VPS13A: variants seen among roughly 807,000 people sequenced by gnomAD.
VPS13A encodes intermembrane lipid transfer protein VPS13A.
VPS13A carries 264 observed loss-of-function variants against 390.9 expected under a neutral mutation model. The observed-to-expected ratio is 0.68, with a 90% CI of 0.61 to 0.75. The LOEUF (loss-of-function observed/expected upper bound fraction) is 0.75, where lower values mean the gene tolerates loss of function less well. VPS13A is among the 30% of genes least tolerant of loss of function. The pLI, the probability that VPS13A is intolerant of heterozygous loss-of-function variation, is 0.00. For missense variants in VPS13A, 3,409 were observed against 3,733.9 expected (o/e 0.91, Z 2.27); for synonymous variants, 1,231 against 1,227.1 (o/e 1.00, Z -0.07).
intron 19 of VPS13A, among the ~76,000 whole-genome samples, chr9:77,247,025 T>C (rs952323722): frequency 1.3e-5 from 2 of 152,104 alleles, no homozygotes; most frequent in African/African-American, 4.8e-5. Context: ...AGTTTATAGG[T>C]TAAAAATTTT....
chr9:77,387,187 AT>A (rs2131623166), intron 68 of VPS13A, among the ~76,000 whole-genome samples: 1 of 151,848 alleles, frequency 6.6e-6, no homozygotes, highest in Non-Finnish European at 1.5e-5. Context: ...TGTTCTCTTG[AT>A]GGAGATAGAG....
At chr9:77,334,861 A>C (rs1830461053) in intron 46 of VPS13A, among the ~76,000 whole-genome samples, 1 of 152,204 alleles carries the variant, frequency 6.6e-6, no homozygotes, top group Admixed American at 6.5e-5. Context: ...ATATCTGTTA[A>C]CTGTTTTGAC....
chr9:77,322,539 C>CTT lies in VPS13A; in HGVS notation c.5831-520_5831-519dup, dbSNP rs150115386. On this transcript the variant is annotated intron_variant, in intron 44 of 71. Coordinates refer to ENST00000360280, the MANE Select transcript of VPS13A (RefSeq NM_033305.3). The stretch of plus-strand genomic sequence containing the variant: ...ATTAATGTTCTTATAAATTTTACGT[C>CTT]TTTTTTTTTAACATTTTTATGGATG... Among the ~76,000 whole-genome samples, 248 of 150,572 alleles carry CTT rather than the reference C, an allele frequency of 1.6e-3. 1 individual carries two copies. The highest frequency in any genetic ancestry group is 5.4e-3 in the African/African-American group (222 of 41,068).
rs371913398 is a variant in VPS13A at position 77,366,088 on chromosome 9, C to G, written c.8325+515C>G. Among the ~76,000 whole-genome samples the G allele has an allele frequency of 7.2e-5, 11 of 152,148 alleles. No individual in the cohort carries two copies. In the South Asian group the frequency reaches 2.3e-3, roughly 32 times the overall value. On this transcript the variant is annotated intron_variant, in intron 60 of 71. Transcript: ENST00000360280. ...ATTGAAACATATACTTTTGGAGATA[C>G]AAATACCTTTCAGCTTATGACAGAG...
chr9:77,355,988 C>T (rs994948811), intron 54 of VPS13A, among the ~76,000 whole-genome samples: 3 of 152,102 alleles, frequency 2.0e-5, no homozygotes, highest in South Asian at 2.1e-4. Context: ...GTATTCTTAA[C>T]GAAATGTAAG....
chr9:77,414,090 C>A (rs1008102564), intron 71 of VPS13A, among the ~76,000 whole-genome samples: 1 of 152,150 alleles, frequency 6.6e-6, no homozygotes. Context: ...CAGGAAACAA[C>A]AGGTGCTGGA....
At position 77,193,537 on chromosome 9, in the gene VPS13A, G is replaced by A. The variant is rs1589976724; in HGVS notation, c.101-6408G>A. 2.0e-5 allele frequency among the ~76,000 whole-genome samples: 3 copies of A among 152,270 alleles called. No homozygotes were observed. The South Asian group carries it at 6.2e-4, about 32-fold the overall frequency. On this transcript the variant is annotated intron_variant, in intron 1 of 71. Coordinates refer to ENST00000360280, the MANE Select transcript of VPS13A (RefSeq NM_033305.3). ...TAATCCTAGTTACCCAGGAAGCTGA[G>A]GCAGGAGAATCACTTGAACCCGGAA...
At chr9:77,382,526 T>C in intron 68 of VPS13A, 1 of 1,232,764 alleles carries the variant, frequency 8.1e-7, no homozygotes, top group Non-Finnish European at 1.0e-6. Flanking sequence ...ATCCTCGTCA[T>C]TGGTGGTACT....
chr9:77,281,869 T>C lies in VPS13A; in HGVS notation c.2907T>C (p.Ala969=). The stretch of plus-strand genomic sequence containing the variant: ...AGATTTGTTTTCTCTTTGGATAGGC[T>C]GAAAAGAATGTACCCGACTTGAAAA... ...EDLLTLEYVK[A]EKNVPDLKST... is the part of the protein sequence containing the mutation. Residue 969 remains alanine (A), a splice_region_variant and synonymous_variant, in exon 28 of 72, where the codon GCT becomes GCC. Coordinates refer to ENST00000360280, the MANE Select transcript of VPS13A (RefSeq NM_033305.3). 6.2e-7 allele frequency: 1 copy of C among 1,601,072 alleles called. No homozygotes were observed. Among genetic ancestry groups the C allele is most frequent in the Admixed American group, 1.7e-5 (1 of 59,944 alleles).
chr9:77,353,112 T>C (rs1410631193), intron 53 of VPS13A, among the ~76,000 whole-genome samples: 3 of 152,128 alleles, frequency 2.0e-5, no homozygotes, highest in Non-Finnish European at 2.9e-5. Flanking sequence ...AAAAATACTT[T>C]GTGTTACAGA....
intron 1 of VPS13A, among the ~76,000 whole-genome samples, chr9:77,183,503 A>G (rs1824148437): frequency 6.6e-6 from 1 of 152,166 alleles, no homozygotes. Context: ...AGTCTGGCTT[A>G]TTTCAGCATA....
chr9:77,197,800 G>T (rs11145327), intron 1 of VPS13A, among the ~76,000 whole-genome samples: 26,340 of 152,124 alleles, frequency 0.17, 2,967 homozygotes, highest in East Asian at 0.39. Context: ...CAAAGCTTGT[G>T]TACCTTCAAC....
At chr9:77,237,870 T>C (rs1227496243) in intron 17 of VPS13A, 132 bp from the exon 18 acceptor site, 2 of 663,306 alleles carry the variant, frequency 3.0e-6, no homozygotes, top group African/African-American at 3.7e-5. Flanking sequence ...GTATGTCTTC[T>C]TTGATGGGAA....
chr9:77,407,442 T>A lies in VPS13A; in HGVS notation c.9400-91T>A. ...CATGATTTGTATAAGAGGGACACTT[T>A]AGGCATACAGTAATAAAGCTTTGTG... On this transcript the variant is annotated intron_variant, in intron 70 of 71. Transcript: ENST00000360280. 5 of 1,022,550 alleles carry A rather than the reference T, an allele frequency of 4.9e-6. No individual in the cohort carries two copies. In the Admixed American group the frequency reaches 8.8e-5, roughly 18 times the overall value. The allele number at this position is 1,022,550 out of a possible 1,614,324, so 63.3% of individuals were successfully genotyped here.
chr9:77,404,771 G>A (rs1834523980), intron 69 of VPS13A, among the ~76,000 whole-genome samples: 1 of 152,174 alleles, frequency 6.6e-6, no homozygotes, highest in African/African-American at 2.4e-5. Context: ...TGAGGATAAA[G>A]GATCTTTGAA....
rs1256725728 is a variant in VPS13A at position 77,315,222 on chromosome 9, A to G, written c.4413-31A>G. 2.5e-6 allele frequency: 4 copies of G among 1,582,230 alleles called. No individual in the cohort carries two copies. In the African/African-American group the frequency reaches 4.0e-5, roughly 16 times the overall value. On this transcript the variant is annotated intron_variant, in intron 37 of 71. Coordinates refer to ENST00000360280, the MANE Select transcript of VPS13A (RefSeq NM_033305.3). Reference sequence around the variant, plus strand: ...GTTTGATTACTTCTAAGTTACTCATACATAGGAATTGTTGTTATTGTGTTT... The same window carrying G: ...GTTTGATTACTTCTAAGTTACTCATGCATAGGAATTGTTGTTATTGTGTTT...
At chr9:77,377,208 T>G (rs942570647) in intron 67 of VPS13A, among the ~76,000 whole-genome samples, 8 of 104,518 alleles carry the variant, frequency 7.7e-5, no homozygotes, top group Non-Finnish European at 1.0e-4. Flanking sequence ...ATGCTGTTTT[T>G]TTTTTTTTTT....
chr9:77,317,523 A>G, intron 39 of VPS13A, 83 bp from the exon 40 acceptor site: 1 of 1,018,122 alleles, frequency 9.8e-7, no homozygotes, highest in Non-Finnish European at 1.5e-6. Context: ...TTTATTTGAC[A>G]TACCTATTAC....
intron 31 of VPS13A, among the ~76,000 whole-genome samples, chr9:77,288,844 T>A (rs1827490297): frequency 1.3e-5 from 2 of 151,380 alleles, no homozygotes; most frequent in Non-Finnish European, 2.9e-5. Flanking sequence ...AACCATTGAT[T>A]TGCCTGTTTC....
Sources: allele counts gnomAD v4.1 joint callset (sites outside exome capture counted in the v4.1 genomes callset), GRCh38; gene constraint gnomAD v4.1.1; transcripts MANE v1.5; gene names NCBI Gene and HGNC (gene_info 2026-07-23, HGNC 2026-07-21).